Variants in PCDHGA4 observed in about 807,000 individuals in gnomAD.
PCDHGA4 encodes the protein protocadherin gamma-A4.
A neutral mutation model predicts 54.6 loss-of-function variants in PCDHGA4; 38 were observed. That is an observed-to-expected ratio of 0.70 (90% CI 0.54 to 0.91). The LOEUF (loss-of-function observed/expected upper bound fraction) is 0.91. Among genes scored for constraint, PCDHGA4 ranks in the 40% least tolerant of loss-of-function variants. PCDHGA4 has a pLI of 0.00. For synonymous variants in PCDHGA4, 511 were observed against 512.9 expected (o/e 1.00, Z 0.05); for missense variants, 1,298 against 1,220.9 (o/e 1.06, Z -0.94).
At chr5:141,363,119 GT>G (rs1228488780) in intron 1 of PCDHGA4, among the ~76,000 whole-genome samples, 2 of 152,234 alleles carry the variant, frequency 1.3e-5, no homozygotes, top group East Asian at 3.8e-4. Flanking sequence ...GGTCTGAGGT[GT>G]CTGCTAGAAA....
intron 1 of PCDHGA4, chr5:141,383,762 T>G (rs777698869): frequency 4.3e-6 from 7 of 1,613,846 alleles, no homozygotes; most frequent in Non-Finnish European, 5.9e-6. Context: ...ACTCCTAAAC[T>G]TCCAAAGATG....
intron 1 of PCDHGA4, chr5:141,393,474 C>G (rs773609499): frequency 3.1e-6 from 5 of 1,614,044 alleles, no homozygotes; most frequent in Non-Finnish European, 4.2e-6. Flanking sequence ...CGGCAAGCCG[C>G]CTCGCTCTAG....
At chr5:141,388,460 T>G in intron 1 of PCDHGA4, 1 of 1,613,854 alleles carries the variant, frequency 6.2e-7, no homozygotes. Flanking sequence ...GTAAATACCC[T>G]GAGATGGTAT....
At position 141,414,415 on chromosome 5, in the gene PCDHGA4, C is replaced by T. The variant is rs769791452; in HGVS notation, c.2514+56794C>T. ...TTACAGATTGGTGATACACAGAGCC[C>T]TTGACAGGGAACAGGTATCCTCTTA... On this transcript the variant is annotated intron_variant, in intron 1 of 3. Coordinates refer to ENST00000571252, the MANE Select transcript of PCDHGA4 (RefSeq NM_018917.4). The T allele has an allele frequency of 2.5e-6, 4 of 1,613,758 alleles. No individual in the cohort carries two copies. Among genetic ancestry groups the T allele is most frequent in the Non-Finnish European group, 8.5e-7 (1 of 1,179,880 alleles).
chr5:141,474,260 A>G (rs1459875243), intron 1 of PCDHGA4, among the ~76,000 whole-genome samples: 1 of 152,170 alleles, frequency 6.6e-6, no homozygotes, highest in Non-Finnish European at 1.5e-5. Flanking sequence ...AGACTGATAA[A>G]CCAGTGTATC....
At chr5:141,374,137 G>T (rs1479377011) in intron 1 of PCDHGA4, 11 of 1,606,212 alleles carry the variant, frequency 6.8e-6, no homozygotes, top group African/African-American at 1.3e-5. Flanking sequence ...TGCTCCTCAC[G>T]CTCCTGGGGA....
Position 141,489,075 on chromosome 5 carries a change from C to A in PCDHGA4, c.2515-5732C>A. The A allele has an allele frequency of 3.1e-6, 1 of 324,814 alleles. No individual in the cohort carries two copies. The highest frequency in any genetic ancestry group is 5.5e-6 in the Non-Finnish European group (1 of 180,380). The allele number at this position is 324,814 out of a possible 1,614,324, so 20.1% of individuals were successfully genotyped here. A position where few individuals can be genotyped will look rare whatever the true frequency, so the allele number is the denominator to read the frequency against. ...TCAGCTCCCCTCCCCCCTGCCCACCCCCGCCACTCGGTGACTAAGAACTGC... is the reference window on the plus strand; with the variant it reads ...TCAGCTCCCCTCCCCCCTGCCCACCACCGCCACTCGGTGACTAAGAACTGC... On this transcript the variant is annotated intron_variant, in intron 1 of 3. Coordinates refer to ENST00000571252, the MANE Select transcript of PCDHGA4 (RefSeq NM_018917.4). The surrounding 1 kb of genome is among the most constrained non-coding windows in gnomAD (Gnocchi z 4.5).
At chr5:141,368,160 C>T (rs1017595982) in intron 1 of PCDHGA4, among the ~76,000 whole-genome samples, 1 of 152,084 alleles carries the variant, frequency 6.6e-6, no homozygotes, top group Non-Finnish European at 1.5e-5. Context: ...AAACCTTGAG[C>T]ATCAGCTTCA....
At chr5:141,421,618 G>A (rs748399893) in intron 1 of PCDHGA4, 1 of 1,613,766 alleles carries the variant, frequency 6.2e-7, no homozygotes, top group African/African-American at 1.3e-5. Context: ...TAATGATAAC[G>A]CCCCCAGCTT....
At chr5:141,361,231 A>G (rs1248946415) in intron 1 of PCDHGA4, 3 of 1,614,014 alleles carry the variant, frequency 1.9e-6, no homozygotes, top group Non-Finnish European at 2.5e-6. Context: ...AGGAACAGTG[A>G]TCGCCTTGAT....
chr5:141,390,111 G>C (rs2092051894), intron 1 of PCDHGA4: 5 of 1,614,054 alleles, frequency 3.1e-6, no homozygotes, highest in Non-Finnish European at 4.2e-6. Flanking sequence ...CAACTACAGC[G>C]AGGGGACTTT....
At chr5:141,370,410 G>A in intron 1 of PCDHGA4, 1 of 1,565,394 alleles carries the variant, frequency 6.4e-7, no homozygotes. Flanking sequence ...AAATAGCTCC[G>A]GATGGAGGGG....
chr5:141,370,319 C>T (rs1357424627), intron 1 of PCDHGA4: 1 of 1,336,732 alleles, frequency 7.5e-7, no homozygotes, highest in Non-Finnish European at 1.0e-6. Context: ...ATAGTTGGTC[C>T]TGCTCGGAGA....
chr5:141,393,263 A>C, intron 1 of PCDHGA4: 1 of 1,613,926 alleles, frequency 6.2e-7, no homozygotes, highest in Non-Finnish European at 8.5e-7. Flanking sequence ...TTCCTGGAGC[A>C]CGTTATCCAC....
At chr5:141,364,213 C>A (rs1212511912) in intron 1 of PCDHGA4, 4 of 1,275,024 alleles carry the variant, frequency 3.1e-6, no homozygotes, top group East Asian at 2.6e-5. Context: ...CAAGCTCCTA[C>A]GAAAAGCCAA....
At chr5:141,361,246 A>G in intron 1 of PCDHGA4, 2 of 1,613,980 alleles carry the variant, frequency 1.2e-6, no homozygotes, top group Non-Finnish European at 1.7e-6. Flanking sequence ...CTTGATAAAA[A>G]CGAGAGACAG....
intron 1 of PCDHGA4, chr5:141,370,699 G>A (rs1767129462): frequency 6.2e-7 from 1 of 1,613,804 alleles, no homozygotes; most frequent in Non-Finnish European, 8.5e-7. Context: ...AAGTCGACGT[G>A]TGTTCTGGAA....
At chr5:141,403,590 C>A (rs770895828) in intron 1 of PCDHGA4, 7 of 1,613,866 alleles carry the variant, frequency 4.3e-6, no homozygotes, top group Non-Finnish European at 5.1e-6. Context: ...CTGGTCCTCA[C>A]GGCCTCGGAT....
At position 141,491,023 on chromosome 5, in the gene PCDHGA4, G is replaced by A. The variant is rs773185039; in HGVS notation, c.2515-3784G>A. 17 of 1,613,990 alleles carry A rather than the reference G, an allele frequency of 1.1e-5. No individual in the cohort carries two copies. Among genetic ancestry groups the A allele is most frequent in the Admixed American group, 5.0e-5 (3 of 60,008 alleles). ...CTCCTTGGTCACCAAGGTGACAGCC[G>A]TGGATGCTGATGCAGGCCACAATGC... On this transcript the variant is annotated intron_variant, in intron 1 of 3. Coordinates refer to ENST00000571252, the MANE Select transcript of PCDHGA4 (RefSeq NM_018917.4). The surrounding 1 kb of genome is among the most constrained non-coding windows in gnomAD (Gnocchi z 6.9).
Sources: gnomAD v4.1 joint callset for allele counts (sites outside exome capture counted in the v4.1 genomes callset) on GRCh38, gnomAD v4.1.1 for gene constraint, Gnocchi (gnomAD v3.1) non-coding constraint, MANE v1.5 for transcripts, NCBI Gene and HGNC (gene_info 2026-07-23, HGNC 2026-07-21) for gene names.